COL13A1: variants seen among roughly 807,000 people sequenced by gnomAD.
COL13A1 encodes collagen alpha-1(XIII) chain.
COL13A1 carries 89 observed loss-of-function variants against 130.9 expected under a neutral mutation model. That is an observed-to-expected ratio of 0.68 (90% CI 0.57 to 0.81). The LOEUF is 0.81. COL13A1 is among the 30% of genes least tolerant of loss of function. The pLI is 0.00. For synonymous variants in COL13A1, 402 were observed against 341.6 expected, an observed-to-expected ratio of 1.18 and a Z score of -1.95; for missense variants, 879 against 934.6, an observed-to-expected ratio of 0.94 and a Z score of 0.78.
rs764392321 is a variant in COL13A1, at chr10:69,952,957, C to T, written c.2134C>T (p.Pro712Ser). The T allele has an allele frequency of 6.5e-7, 1 of 1,542,584 alleles. No individual in the cohort carries two copies. The highest frequency in any genetic ancestry group is 2.5e-5 in the East Asian group (1 of 40,266). Reference protein sequence around the residue: ...GDQGAPGLDAPCPLGEDGLPV... With the variant: ...GDQGAPGLDASCPLGEDGLPV... ...CCAAGGAGCGCCTGGATTAGATGCC[C>T]CCTGCCCATTGGTATGTTTTTGTTT... The change falls in exon 39 of 41, where the codon CCC becomes TCC. Residue 712 changes from proline to serine, a missense_variant. This residue lies in a region of COL13A1 where 68 missense variants were observed against 65.8 expected (regional missense o/e 1.03). Coordinates refer to ENST00000645393, the MANE Select transcript of COL13A1 (RefSeq NM_001368882.1).
At chr10:69,934,098 A>G (rs911844380) in intron 31 of COL13A1, among the ~76,000 whole-genome samples, 1 of 152,208 alleles carries the variant, frequency 6.6e-6, no homozygotes, top group African/African-American at 2.4e-5. Context: ...CATATATTCA[A>G]GCACATCTGA....
rs577223036 is a variant in COL13A1, at chr10:69,934,922, G to A, written c.1729-428G>A. On this transcript the variant is annotated intron_variant, in intron 31 of 40. Transcript: ENST00000645393. ...TCAGGCCTGCAAAAAGTGACTGCAA[G>A]AGCGCTGGATCAAAGACAATAAGGA... Among the ~76,000 whole-genome samples the A allele has an allele frequency of 1.9e-3, 296 of 152,314 alleles. 1 individual carries two copies. Among genetic ancestry groups the A allele is most frequent in the African/African-American group, 6.7e-3 (277 of 41,574 alleles).
Position 69,880,500 on chromosome 10 carries a change from C to T in COL13A1, c.463-3C>T, listed in dbSNP as rs2060020573. The T allele has an allele frequency of 6.2e-7, 1 of 1,606,484 alleles. No individual in the cohort carries two copies. The highest frequency in any genetic ancestry group is 8.5e-7 in the Non-Finnish European group (1 of 1,173,302). On this transcript the variant is annotated splice_region_variant and splice_polypyrimidine_tract_variant and intron_variant, in intron 6 of 40. Transcript: ENST00000645393. ...CCCTCTCCCCCTTCCTCTCTCCCCG[C>T]AGGGGTCCCCCGGAGACGCTGGGCT... is the stretch of plus-strand genomic sequence containing the variant.
chr10:69,887,814 C>G (rs776797395), intron 8 of COL13A1, among the ~76,000 whole-genome samples: 1 of 152,192 alleles, frequency 6.6e-6, no homozygotes, highest in Non-Finnish European at 1.5e-5. Flanking sequence ...GGAGAACACC[C>G]TGCAGCTCAG....
At chr10:69,890,524 G>A (rs1456530265) in intron 10 of COL13A1, among the ~76,000 whole-genome samples, 1 of 152,256 alleles carries the variant, frequency 6.6e-6, no homozygotes, top group African/African-American at 2.4e-5. Context: ...TCCCTGTTCA[G>A]TGGGGGCCTG....
intron 1 of COL13A1, among the ~76,000 whole-genome samples, chr10:69,809,635 A>G (rs1024358358): frequency 1.3e-5 from 2 of 152,234 alleles, no homozygotes; most frequent in African/African-American, 4.8e-5. Flanking sequence ...TGTATGAAGT[A>G]CCATACCTCT....
intron 21 of COL13A1, among the ~76,000 whole-genome samples, chr10:69,920,431 A>G (rs761280916): frequency 3.9e-5 from 6 of 152,196 alleles, no homozygotes; most frequent in Non-Finnish European, 7.3e-5. Context: ...TGCACTGAAT[A>G]TGTCCATCCC....
chr10:69,922,944 G>T, intron 23 of COL13A1, 150 bp downstream of exon 23: 1 of 553,552 alleles, frequency 1.8e-6, no homozygotes, highest in African/African-American at 1.9e-5. Flanking sequence ...ATTCCAAAAA[G>T]GCCATTTGGA....
chr10:69,869,798 A>G (rs1294901716), intron 3 of COL13A1, among the ~76,000 whole-genome samples: 2 of 152,238 alleles, frequency 1.3e-5, no homozygotes, highest in Non-Finnish European at 2.9e-5. Context: ...ATTTCCTAAT[A>G]CTGGGAACTA....
chr10:69,839,998 C>G (rs1024736079), intron 2 of COL13A1, among the ~76,000 whole-genome samples: 1 of 152,158 alleles, frequency 6.6e-6, no homozygotes, highest in African/African-American at 2.4e-5. Context: ...TGGAGAGGAG[C>G]CAATAGGTGT....
chr10:69,883,203 G>A (rs756015654), intron 7 of COL13A1, among the ~76,000 whole-genome samples: 11 of 152,186 alleles, frequency 7.2e-5, no homozygotes, highest in Non-Finnish European at 1.3e-4. Flanking sequence ...GTTGGGGCAC[G>A]TTGACTTTAA....
chr10:69,828,354 C>A (rs2132820528), intron 2 of COL13A1, among the ~76,000 whole-genome samples: 1 of 152,242 alleles, frequency 6.6e-6, no homozygotes. Context: ...TGCAAACCCA[C>A]AATAGCAACA....
chr10:69,806,882 C>T (rs1269275646), intron 1 of COL13A1, among the ~76,000 whole-genome samples: 1 of 152,146 alleles, frequency 6.6e-6, no homozygotes, highest in African/African-American at 2.4e-5. Flanking sequence ...GTGGTGGGTG[C>T]CTATAATCCC....
chr10:69,846,692 C>T (rs1853202655), intron 2 of COL13A1, among the ~76,000 whole-genome samples: 1 of 152,244 alleles, frequency 6.6e-6, no homozygotes, highest in South Asian at 2.1e-4. Context: ...TTCCTCCCTC[C>T]AGTGCTCCCA....
chr10:69,857,731 G>C (rs1416282371), intron 2 of COL13A1, among the ~76,000 whole-genome samples: 3 of 152,206 alleles, frequency 2.0e-5, no homozygotes, highest in Non-Finnish European at 4.4e-5. Context: ...ATGCAAGGCA[G>C]GAGGTGCTGC....
chr10:69,895,898 C>T (rs1018801242), intron 13 of COL13A1, among the ~76,000 whole-genome samples: 2 of 152,172 alleles, frequency 1.3e-5, no homozygotes, highest in African/African-American at 4.8e-5. Flanking sequence ...TCTGTGGCTG[C>T]TCTGCACATG....
At chr10:69,841,853 G>T (rs1430286519) in intron 2 of COL13A1, among the ~76,000 whole-genome samples, 1 of 152,222 alleles carries the variant, frequency 6.6e-6, no homozygotes, top group African/African-American at 2.4e-5. Context: ...AGGAACTGAG[G>T]CAGGAGCAGT....
intron 2 of COL13A1, among the ~76,000 whole-genome samples, chr10:69,827,058 C>T (rs566517585): frequency 2.3e-4 from 35 of 152,278 alleles, no homozygotes; most frequent in Non-Finnish European, 4.1e-4. Context: ...AACTTTATTA[C>T]GATGGTAGGT....
At chr10:69,826,055 GA>G (rs1304824380) in intron 2 of COL13A1, among the ~76,000 whole-genome samples, 1 of 152,156 alleles carries the variant, frequency 6.6e-6, no homozygotes, top group African/African-American at 2.4e-5. Flanking sequence ...ATGGTCTTGG[GA>G]ACAGATATAC....
Sources: gnomAD v4.1 joint callset for allele counts (sites outside exome capture counted in the v4.1 genomes callset) on GRCh38, gnomAD v4.1.1 for gene constraint, gnomAD v4.1.1 regional missense constraint, MANE v1.5 for transcripts, NCBI Gene and HGNC (gene_info 2026-07-23, HGNC 2026-07-21) for gene names.